Variants in THSD7A observed in about 807,000 individuals in gnomAD.
The protein encoded by THSD7A is thrombospondin type 1 domain containing 7A.
Under a neutral mutation model 231.3 loss-of-function variants are expected in THSD7A, and 96 were observed. The ratio of observed to expected loss-of-function variants is 0.41; its 90% CI spans 0.35 to 0.49. THSD7A has a LOEUF of 0.49. THSD7A is among the 20% of genes least tolerant of loss of function. The probability of loss-of-function intolerance (pLI) is 0.05; values close to 1 mark genes in which losing one functional copy is unlikely to be tolerated. For missense variants in THSD7A, 2,290 were observed against 2,070.2 expected (o/e 1.11, Z -2.06); for synonymous variants, 940 against 743.3 (o/e 1.26, Z -4.30).
At chr7:11,478,923 C>A (rs1786311053) in intron 7 of THSD7A, among the ~76,000 whole-genome samples, 1 of 152,106 alleles carries the variant, frequency 6.6e-6, no homozygotes, top group African/African-American at 2.4e-5. Flanking sequence ...CATAGTTATA[C>A]AACTTACATT....
intron 1 of THSD7A, among the ~76,000 whole-genome samples, chr7:11,649,413 G>A (rs1255821261): frequency 2.0e-5 from 3 of 152,006 alleles, no homozygotes; most frequent in Admixed American, 1.3e-4. Flanking sequence ...TTGGTTATAA[G>A]CTGCTAAATT....
chr7:11,617,916 A>G (rs897984528), intron 2 of THSD7A, among the ~76,000 whole-genome samples: 2 of 152,198 alleles, frequency 1.3e-5, no homozygotes, highest in African/African-American at 4.8e-5. Flanking sequence ...CAGCACACCA[A>G]CATGGCACAT....
intron 6 of THSD7A, among the ~76,000 whole-genome samples, chr7:11,528,426 T>G (rs930703403): frequency 1.3e-5 from 2 of 152,174 alleles, no homozygotes; most frequent in African/African-American, 2.4e-5. Context: ...GATATACTGC[T>G]TGCCTCGACT....
chr7:11,601,002 T>G (rs930305704), intron 2 of THSD7A, among the ~76,000 whole-genome samples: 1 of 152,182 alleles, frequency 6.6e-6, no homozygotes, highest in African/African-American at 2.4e-5. Context: ...CATGTATTGA[T>G]GCTAACCATG....
chr7:11,807,427 T>G (rs1217510769), intron 1 of THSD7A, among the ~76,000 whole-genome samples: 2 of 152,168 alleles, frequency 1.3e-5, no homozygotes, highest in Non-Finnish European at 2.9e-5. Context: ...ACTATAATTA[T>G]TTTTGTAGTA....
chr7:11,429,030 C>A lies in THSD7A; in HGVS notation c.3160G>T (p.Gly1054Cys). The A allele has an allele frequency of 6.2e-7, 1 of 1,613,078 alleles. No individual in the cohort carries two copies. Among genetic ancestry groups the A allele is most frequent in the South Asian group, 1.1e-5 (1 of 90,902 alleles). Residue 1054 changes from glycine to cysteine, a missense_variant, in exon 14 of 28, where the codon GGT becomes TGT. Transcript: ENST00000423059. Reference protein sequence around the residue: ...WSRCSKSCGSGVKVRSKWLRE... With the variant: ...WSRCSKSCGSCVKVRSKWLRE... ...AGCCATTTAGAACGAACCTTCACAC[C>A]ACTCCCACAGGACTTGCTGCAGCGC...
At chr7:11,807,524 T>A (rs1358591597) in intron 1 of THSD7A, among the ~76,000 whole-genome samples, 1 of 152,156 alleles carries the variant, frequency 6.6e-6, no homozygotes. Flanking sequence ...TTATTGATTT[T>A]ATCAACTTTT....
rs1376566504 is a variant in THSD7A at position 11,641,592 on chromosome 7, A to C, written c.191-4631T>G. 2.6e-5 allele frequency among the ~76,000 whole-genome samples: 4 copies of C among 152,020 alleles called. No individual in the cohort carries two copies. The South Asian group carries it at 6.2e-4, about 24-fold the overall frequency. ...CAGATAACATTGTGGGATTTATCTT[A>C]TTCCAAGTATATTTACATTGAGAAC... is the stretch of plus-strand genomic sequence containing the variant. On this transcript the variant is annotated intron_variant, in intron 1 of 27. Coordinates refer to ENST00000423059, the MANE Select transcript of THSD7A (RefSeq NM_015204.3).
rs1273946001 is a variant in THSD7A, at chr7:11,378,333, A to G, written c.4801+737T>C. Among the ~76,000 whole-genome samples, 3 of 152,334 alleles carry G rather than the reference A, an allele frequency of 2.0e-5. No homozygotes were observed. In the East Asian group the frequency reaches 5.8e-4, roughly 29 times the overall value. On this transcript the variant is annotated intron_variant, in intron 26 of 27. Transcript: ENST00000423059. Reference sequence around the variant, plus strand: ...TAATCCATGTAGCACATTTTCAAGCACCAGGTTAGTTCTAGGGATGAGCAT... The same window carrying G: ...TAATCCATGTAGCACATTTTCAAGCGCCAGGTTAGTTCTAGGGATGAGCAT...
chr7:11,653,816 T>A (rs1183931631), intron 1 of THSD7A, among the ~76,000 whole-genome samples: 2 of 151,962 alleles, frequency 1.3e-5, no homozygotes, highest in Non-Finnish European at 2.9e-5. Context: ...TGCACTAAAA[T>A]AAGTATCAAA....
chr7:11,633,204 G>A (rs1452187510), intron 2 of THSD7A, among the ~76,000 whole-genome samples: 5 of 151,958 alleles, frequency 3.3e-5, no homozygotes, highest in African/African-American at 1.2e-4. Flanking sequence ...TTGGTTTCTT[G>A]GAGAAACACC....
intron 7 of THSD7A, among the ~76,000 whole-genome samples, chr7:11,477,662 C>G (rs778180022): frequency 6.6e-6 from 1 of 152,088 alleles, no homozygotes; most frequent in Non-Finnish European, 1.5e-5. Flanking sequence ...GCTTCTGTGG[C>G]CTTTTGACAA....
chr7:11,798,407 G>T (rs1312021114), intron 1 of THSD7A, among the ~76,000 whole-genome samples: 1 of 151,746 alleles, frequency 6.6e-6, no homozygotes, highest in Non-Finnish European at 1.5e-5. Flanking sequence ...GGGAGCGTAG[G>T]TTGCAGTGAG....
chr7:11,485,052 G>A (rs112245049), intron 6 of THSD7A, among the ~76,000 whole-genome samples: 112 of 151,010 alleles, frequency 7.4e-4, no homozygotes, highest in African/African-American at 2.4e-3. Flanking sequence ...CACCATGCCC[G>A]GCTCATTTTT....
intron 6 of THSD7A, among the ~76,000 whole-genome samples, chr7:11,490,628 C>G (rs944285787): frequency 3.9e-5 from 6 of 151,960 alleles, no homozygotes; most frequent in Non-Finnish European, 7.4e-5. Context: ...TGTTTTATTC[C>G]TTTTTTCCCC....
intron 4 of THSD7A, among the ~76,000 whole-genome samples, chr7:11,545,469 G>T (rs1190733798): frequency 6.6e-6 from 1 of 152,128 alleles, no homozygotes; most frequent in Non-Finnish European, 1.5e-5. Context: ...CCCACCAAGT[G>T]ACCAGACCAT....
At chr7:11,785,068 T>A (rs963351183) in intron 1 of THSD7A, among the ~76,000 whole-genome samples, 3 of 152,062 alleles carry the variant, frequency 2.0e-5, no homozygotes, top group Non-Finnish European at 2.9e-5. Context: ...GCTGCCTACC[T>A]CTCCCAGTCC....
At position 11,831,835 on chromosome 7, in the gene THSD7A, GC is replaced by G; in HGVS notation, c.111del (p.Leu38CysfsTer98). 7.1e-7 allele frequency: 1 copy of G among 1,403,772 alleles called. No homozygotes were observed. Among genetic ancestry groups the G allele is most frequent in the South Asian group, 1.7e-5 (1 of 57,218 alleles). 87.0% of individuals were successfully genotyped at this position (1,403,772 alleles called of 1,614,324 possible). On this transcript the variant is annotated frameshift_variant, in exon 1 of 28. Coordinates refer to ENST00000423059, the MANE Select transcript of THSD7A (RefSeq NM_015204.3). LOFTEE classifies it high-confidence loss of function. This position sits in a 1 kb window ranked among gnomAD's most constrained non-coding sequence, Gnocchi z 5.0. ...PLPLPLPLLL[L>X]LLLRPGAGRA... ...CTGCCGGCGCCCGGGCGTAGCAGCA[GC>G]AGCAGGAGCAGCGGCAGCGGCAGCG...
chr7:11,702,980 A>G (rs1780651282), intron 1 of THSD7A, among the ~76,000 whole-genome samples: 1 of 151,260 alleles, frequency 6.6e-6, no homozygotes, highest in Non-Finnish European at 1.5e-5. Flanking sequence ...GTCTTTGCTC[A>G]GTCTTCTGGA....
Sources: allele counts gnomAD v4.1 joint callset (sites outside exome capture counted in the v4.1 genomes callset), GRCh38; gene constraint gnomAD v4.1.1; non-coding constraint Gnocchi (gnomAD v3.1); transcripts MANE v1.5; gene names NCBI Gene and HGNC (gene_info 2026-07-23, HGNC 2026-07-21).